The following GLO1 variants were observed in gnomAD, a reference collection of about 807,000 sequenced individuals.
GLO1 encodes lactoylglutathione lyase.
GLO1 carries 28 observed loss-of-function variants against 26.0 expected under a neutral mutation model. The observed-to-expected ratio is 1.08, with a 90% CI of 0.80 to 1.48. The LOEUF (loss-of-function observed/expected upper bound fraction) is 1.48. GLO1 is among the 40% of genes most tolerant of loss of function. GLO1 has a pLI of 0.00. For missense variants in GLO1, 225 were observed against 224.8 expected (o/e 1.00, Z -0.01); for synonymous variants, 78 against 77.6 (o/e 1.00, Z -0.03).
chr6:38,688,511 A>G (rs1351404344), intron 1 of GLO1, among the ~76,000 whole-genome samples: 1 of 152,224 alleles, frequency 6.6e-6, no homozygotes. Context: ...CACTACCAAA[A>G]TAACAAACAT....
chr6:38,692,088 TA>T (rs61526778), intron 1 of GLO1, among the ~76,000 whole-genome samples: 1 of 148,118 alleles, frequency 6.8e-6, no homozygotes, highest in Non-Finnish European at 1.5e-5. Flanking sequence ...TGTCTCTGTC[TA>T]AAAAAGTTTG....
chr6:38,685,578 T>C (rs1307557044), intron 2 of GLO1, among the ~76,000 whole-genome samples: 1 of 152,216 alleles, frequency 6.6e-6, no homozygotes, highest in African/African-American at 2.4e-5. Context: ...CACTGCTATA[T>C]AATAGACCTT....
At chr6:38,687,124 C>T in intron 1 of GLO1, 150 bp from the exon 2 acceptor site, 4 of 1,415,890 alleles carry the variant, frequency 2.8e-6, no homozygotes, top group Non-Finnish European at 2.8e-6. Context: ...CTTCTGGTTG[C>T]AGGCCCCTGT....
intron 5 of GLO1, among the ~76,000 whole-genome samples, chr6:38,678,464 C>T (rs1007377333): frequency 2.0e-5 from 3 of 151,838 alleles, no homozygotes; most frequent in Admixed American, 1.3e-4. Context: ...CGGCTGGTGA[C>T]AGCTGGGGAG....
intron 5 of GLO1, 32 bp from the exon 6 acceptor site, chr6:38,677,415 A>G: frequency 1.1e-6 from 1 of 929,096 alleles, no homozygotes; most frequent in Non-Finnish European, 1.8e-6. Context: ...TATTGAAAAG[A>G]CTAAAAAAGA....
intron 1 of GLO1, among the ~76,000 whole-genome samples, chr6:38,702,170 G>A (rs1761713125): frequency 6.6e-6 from 1 of 151,952 alleles, no homozygotes; most frequent in Non-Finnish European, 1.5e-5. Flanking sequence ...CTCGTGATCC[G>A]CCCGCCTTGG....
At chr6:38,698,601 T>C (rs1235886521) in intron 1 of GLO1, among the ~76,000 whole-genome samples, 1 of 148,390 alleles carries the variant, frequency 6.7e-6, no homozygotes, top group Non-Finnish European at 1.5e-5. Flanking sequence ...TGGAGACAGA[T>C]ACAGATAGTA....
chr6:38,682,684 T>C, intron 4 of GLO1, 124 bp downstream of exon 4: 1 of 485,764 alleles, frequency 2.1e-6, no homozygotes, highest in Non-Finnish European at 3.7e-6. Flanking sequence ...AATAATCATA[T>C]CTCTAATAAA....
intron 1 of GLO1, among the ~76,000 whole-genome samples, chr6:38,687,940 C>T (rs925535737): frequency 4.6e-5 from 7 of 151,678 alleles, no homozygotes; most frequent in Non-Finnish European, 1.0e-4. Context: ...CAAAACAGGC[C>T]TGAAAATTCT....
chr6:38,695,791 C>T (rs945762144), intron 1 of GLO1, among the ~76,000 whole-genome samples: 1 of 152,136 alleles, frequency 6.6e-6, no homozygotes, highest in Non-Finnish European at 1.5e-5. Context: ...TCTTTCTTGC[C>T]AGGAAATGCT....
chr6:38,693,640 C>T (rs1437590645), intron 1 of GLO1, among the ~76,000 whole-genome samples: 1 of 148,480 alleles, frequency 6.7e-6, no homozygotes, highest in Non-Finnish European at 1.5e-5. Context: ...GCTATGATCC[C>T]TTTTTCATTT....
chr6:38,690,674 T>G (rs1259261589), intron 1 of GLO1, among the ~76,000 whole-genome samples: 1 of 152,164 alleles, frequency 6.6e-6, no homozygotes, highest in Non-Finnish European at 1.5e-5. Flanking sequence ...TGTATCTGCC[T>G]AAACACATAC....
intron 1 of GLO1, among the ~76,000 whole-genome samples, chr6:38,688,487 C>A (rs1294320895): frequency 6.6e-6 from 1 of 152,162 alleles, no homozygotes; most frequent in Admixed American, 6.5e-5. Context: ...TACATTAAAA[C>A]AAGGCACTAT....
chr6:38,681,984 G>A (rs1761386925), intron 5 of GLO1, 28 bp downstream of exon 5: 2 of 1,096,798 alleles, frequency 1.8e-6, no homozygotes, highest in East Asian at 2.3e-5. Flanking sequence ...CTAAAGACAG[G>A]CCTGAACACA....
In GLO1 at chr6:38,702,989, G is replaced by T; in HGVS notation, c.66C>A (p.Asp22Glu). Residue 22 changes from aspartate to glutamate, a missense_variant, in exon 1 of 6, where the codon GAC becomes GAA. Physicochemically the swap from Asp to Glu is conservative, Grantham distance 45. Transcript: ENST00000373365. ...TGCCCACCTTGGTACTGGGGTCCGC[G>T]TCGGAGCAGCAACTGAGGGCGGCCT... Reference protein sequence around the residue: ...TDEAALSCCSDADPSTKDFLL... With the variant: ...TDEAALSCCSEADPSTKDFLL... 1.9e-6 allele frequency: 3 copies of T among 1,587,906 alleles called. No homozygotes were observed. The highest frequency in any genetic ancestry group is 2.6e-6 in the Non-Finnish European group (3 of 1,158,306).
rs1761656350 is a variant in GLO1 at position 38,699,197 on chromosome 6, T to C, written c.84+3774A>G. Among the ~76,000 whole-genome samples, 8 of 152,318 alleles carry C rather than the reference T, an allele frequency of 5.3e-5. No homozygotes were observed. The South Asian group carries it at 1.7e-3, about 32-fold the overall frequency. ...CCCGAATGGAGGGACCAGCTGGAGC[T>C]GTGGCAGAGGAACATAAATTGTGAA... On this transcript the variant is annotated intron_variant, in intron 1 of 5. Transcript: ENST00000373365.
At chr6:38,684,846 C>T (rs888918619) in intron 2 of GLO1, among the ~76,000 whole-genome samples, 1 of 152,050 alleles carries the variant, frequency 6.6e-6, no homozygotes, top group Non-Finnish European at 1.5e-5. Context: ...ATATAAAGAA[C>T]CTTGTTGCTA....
chr6:38,702,223 G>A lies in GLO1; in HGVS notation c.84+748C>T, dbSNP rs1008524842. Reference sequence around the variant, plus strand: ...ATTACAGGCGTGAGCCACCGCGCCCGCCAACTGTGTCTGATCTTAACAAGG... The same window carrying A: ...ATTACAGGCGTGAGCCACCGCGCCCACCAACTGTGTCTGATCTTAACAAGG... On this transcript the variant is annotated intron_variant, in intron 1 of 5. Coordinates refer to ENST00000373365, the MANE Select transcript of GLO1 (RefSeq NM_006708.3). Among the ~76,000 whole-genome samples, 5 of 152,266 alleles carry A rather than the reference G, an allele frequency of 3.3e-5. No homozygotes were observed. In the South Asian group the frequency reaches 1.0e-3, roughly 32 times the overall value.
Position 38,682,071 on chromosome 6 carries a change from T to C in GLO1, c.407A>G (p.Tyr136Cys), listed in dbSNP as rs1217440962. Residue 136 changes from tyrosine to cysteine, a missense_variant, in exon 5 of 6, where the codon TAC becomes TGC. By Grantham distance (194) the Tyr-to-Cys change is radical (BLOSUM62 -2). Coordinates refer to ENST00000373365, the MANE Select transcript of GLO1 (RefSeq NM_006708.3). ...TTCTTCAAACCTTTTACAAGCACTG[T>C]ATACATCAGGAACAGCAATTCCAAT... The part of the protein sequence containing the change: ...GHIGIAVPDV[Y>C]SACKRFEELG... 2 of 1,594,588 alleles carry C rather than the reference T, an allele frequency of 1.3e-6. No homozygotes were observed. Among genetic ancestry groups the C allele is most frequent in the African/African-American group, 1.3e-5 (1 of 74,622 alleles).
Sources: allele counts gnomAD v4.1 joint callset (sites outside exome capture counted in the v4.1 genomes callset), GRCh38; gene constraint gnomAD v4.1.1; transcripts MANE v1.5; gene names NCBI Gene and HGNC (gene_info 2026-07-23, HGNC 2026-07-21).